The following ATXN1L variants were observed in gnomAD, a reference collection of about 807,000 sequenced individuals.
ATXN1L encodes ataxin 1 like.
ATXN1L carries 8 observed loss-of-function variants against 43.4 expected under a neutral mutation model. The ratio of observed to expected loss-of-function variants is 0.18; its 90% confidence interval spans 0.11 to 0.33. The LOEUF (loss-of-function observed/expected upper bound fraction) is 0.33. ATXN1L is among the 10% of genes least tolerant of loss of function. The pLI, the probability that ATXN1L is intolerant of heterozygous loss-of-function variation, is 1.00. For synonymous variants in ATXN1L, 379 were observed against 360.6 expected (o/e 1.05, Z -0.58); for missense variants, 856 against 885.4 (o/e 0.97, Z 0.42).
At position 71,856,735 on chromosome 16, in the gene ATXN1L, G is replaced by A. The variant is rs867799089; in HGVS notation, c.*4925G>A. On this transcript the variant is annotated 3_prime_UTR_variant, in exon 3 of 3. Transcript: ENST00000427980. ...GTATATGATCCAGCTGCAGAGAGCAGACTGCTCTCAGCTTGCACAGCACCT... is the reference window on the plus strand; with the variant it reads ...GTATATGATCCAGCTGCAGAGAGCAAACTGCTCTCAGCTTGCACAGCACCT... 1.8e-5 allele frequency: 3 copies of A among 167,132 alleles called. No homozygotes were observed. The highest frequency in any genetic ancestry group is 4.4e-5 in the Non-Finnish European group (3 of 68,128). The allele number at this position is 167,132 out of a possible 1,614,324, so 10.4% of individuals were successfully genotyped here.
rs775797893 is a variant in ATXN1L at position 71,850,732 on chromosome 16, C to A, written c.992C>A (p.Pro331Gln). 26 of 1,551,694 alleles carry A rather than the reference C, an allele frequency of 1.7e-5. No homozygotes were observed. Among genetic ancestry groups the A allele is most frequent in the Non-Finnish European group, 2.3e-5 (26 of 1,147,000 alleles). The change falls in exon 3 of 3, where the codon CCG becomes CAG. Residue 331 changes from proline (P) to glutamine (Q), a missense_variant. By Grantham distance (76) the Pro-to-Gln change is moderately conservative (BLOSUM62 -1). Transcript: ENST00000427980. ...EVAAPAHRGT[P>Q]DTDLEVQRVV... ...GCAGCACCAGCACACCGGGGGACCCCGGACACTGACCTTGAGGTCCAGCGG... is the reference window on the plus strand; with the variant it reads ...GCAGCACCAGCACACCGGGGGACCCAGGACACTGACCTTGAGGTCCAGCGG...
rs2033494687 is a variant in ATXN1L, at chr16:71,850,895, G to C, written c.1155G>C (p.Glu385Asp). The C allele has an allele frequency of 1.3e-6, 2 of 1,551,566 alleles. No homozygotes were observed. Among genetic ancestry groups the C allele is most frequent in the African/African-American group, 1.4e-5 (1 of 73,052 alleles). ...GAGGGTCAGCCAGGAACCCTGCAGA[G>C]CTGGCAGAGAAAAGTCAGGCCCGTG... ...EGRGSARNPA[E>D]LAEKSQARGF... Residue 385 changes from glutamate to aspartate, a missense_variant, in exon 3 of 3, where the codon GAG becomes GAC. Around this residue, in one of 7 missense-constraint regions of ATXN1L, gnomAD observed 490 missense variants for 449.4 expected, o/e 1.09. Coordinates refer to ENST00000427980, the MANE Select transcript of ATXN1L (RefSeq NM_001137675.4).
Position 71,856,121 on chromosome 16 carries a change from A to G in ATXN1L, c.*4311A>G. Reference sequence around the variant, plus strand: ...CTCTCCTTAGCTGCAGACCATGCACAGTGCCTGGGGCGGAAGGAGGAGAGG... The same window carrying G: ...CTCTCCTTAGCTGCAGACCATGCACGGTGCCTGGGGCGGAAGGAGGAGAGG... On this transcript the variant is annotated 3_prime_UTR_variant, in exon 3 of 3. Transcript: ENST00000427980. 1 of 167,226 alleles carries G rather than the reference A, an allele frequency of 6.0e-6. No homozygotes were observed. 10.4% of individuals were successfully genotyped at this position (167,226 alleles called of 1,614,324 possible). A position where few individuals can be genotyped will look rare whatever the true frequency, so the allele number is the denominator to read the frequency against.
Position 71,850,018 on chromosome 16 carries a change from C to T in ATXN1L, c.278C>T (p.Ser93Leu), listed in dbSNP as rs1414438566. 6.4e-7 allele frequency: 1 copy of T among 1,551,604 alleles called. No individual in the cohort carries two copies. The highest frequency in any genetic ancestry group is 8.7e-7 in the Non-Finnish European group (1 of 1,147,006). ...GTGGCTGTGCCGCCTGCCACCTTTT[C>T]ACCAACTGGACTCCCATCTGTGGTG... ...YKVAVPPATF[S>L]PTGLPSVVNM... The change falls in exon 3 of 3, where the codon TCA (serine) becomes TTA (leucine). Residue 93 changes from serine to leucine, a missense_variant. Around this residue, in one of 7 missense-constraint regions of ATXN1L, gnomAD observed 93 missense variants for 113.4 expected, o/e 0.82. Coordinates refer to ENST00000427980, the MANE Select transcript of ATXN1L (RefSeq NM_001137675.4).
In ATXN1L at chr16:71,849,619, A is replaced by C; in HGVS notation, c.-117-5A>C. The stretch of plus-strand genomic sequence containing the variant: ...TTTCTTTGCCTCTGATTTGTTCCCT[A>C]ATAGATGTGGGCGCCCCAGCCAGAA... On this transcript the variant is annotated splice_region_variant and splice_polypyrimidine_tract_variant and intron_variant, in intron 2 of 2. Transcript: ENST00000427980. 9.0e-7 allele frequency: 1 copy of C among 1,105,952 alleles called. No individual in the cohort carries two copies. Among genetic ancestry groups the C allele is most frequent in the South Asian group, 2.0e-5 (1 of 50,328 alleles). The allele number at this position is 1,105,952 out of a possible 1,614,324, so 68.5% of individuals were successfully genotyped here. A position where few individuals can be genotyped will look rare whatever the true frequency, so the allele number is the denominator to read the frequency against.
chr16:71,851,385 G>T lies in ATXN1L; in HGVS notation c.1645G>T (p.Gly549Cys). The T allele has an allele frequency of 6.4e-7, 1 of 1,551,602 alleles. No individual in the cohort carries two copies. Among genetic ancestry groups the T allele is most frequent in the Non-Finnish European group, 8.7e-7 (1 of 1,146,970 alleles). ...CCCCGAGCACCCCTTCTTTGTATAT[G>T]GCCAGGGTTGGTCCTCTTGCAGCCC... ...VPPEHPFFVY[G>C]QGWSSCSPGR... Residue 549 changes from glycine to cysteine, a missense_variant, in exon 3 of 3, where the codon GGC becomes TGC. Transcript: ENST00000427980. This position sits in a 1 kb window ranked among gnomAD's most constrained non-coding sequence, Gnocchi z 4.9.
rs1027783238 is a variant in ATXN1L, at chr16:71,855,099, A to G, written c.*3289A>G. 4 of 167,252 alleles carry G rather than the reference A, an allele frequency of 2.4e-5. No individual in the cohort carries two copies. Among genetic ancestry groups the G allele is most frequent in the African/African-American group, 9.7e-5 (4 of 41,430 alleles). 10.4% of individuals were successfully genotyped at this position (167,252 alleles called of 1,614,324 possible). On this transcript the variant is annotated 3_prime_UTR_variant, in exon 3 of 3. Coordinates refer to ENST00000427980, the MANE Select transcript of ATXN1L (RefSeq NM_001137675.4). ...TGCCTGCTGTCCTCTACAGCTCCCT[A>G]TCCTTCCATGTCTTTGGCCATGTAG...
rs1383203001 is a variant in ATXN1L, at chr16:71,850,436, G to C, written c.696G>C (p.Gln232His). The C allele has an allele frequency of 2.6e-6, 4 of 1,551,572 alleles. No homozygotes were observed. Among genetic ancestry groups the C allele is most frequent in the Non-Finnish European group, 8.7e-7 (1 of 1,147,004 alleles). ...CAGGTCGGATGCCCATTTATTATCA[G>C]ATGTCCAGGCTACCTGCTGGGTATA... Reference protein sequence around the residue: ...LAPGRMPIYYQMSRLPAGYTL... With the variant: ...LAPGRMPIYYHMSRLPAGYTL... Residue 232 changes from glutamine to histidine, a missense_variant, in exon 3 of 3, where the codon CAG becomes CAC. Coordinates refer to ENST00000427980, the MANE Select transcript of ATXN1L (RefSeq NM_001137675.4).
At position 71,854,034 on chromosome 16, in the gene ATXN1L, G is replaced by A. The variant is rs1353357569; in HGVS notation, c.*2224G>A. Reference sequence around the variant, plus strand: ...TCAAATGAGAAGGCCTTGGGAGAAGGCCTCATCTCTGGCTGTTTCATGAGC... The same window carrying A: ...TCAAATGAGAAGGCCTTGGGAGAAGACCTCATCTCTGGCTGTTTCATGAGC... On this transcript the variant is annotated 3_prime_UTR_variant, in exon 3 of 3. Transcript: ENST00000427980. 1 of 167,058 alleles carries A rather than the reference G, an allele frequency of 6.0e-6. No homozygotes were observed. The highest frequency in any genetic ancestry group is 2.4e-5 in the African/African-American group (1 of 41,426). The allele number at this position is 167,058 out of a possible 1,614,324, so 10.3% of individuals were successfully genotyped here. A position where few individuals can be genotyped will look rare whatever the true frequency, so the allele number is the denominator to read the frequency against.
In ATXN1L at chr16:71,851,312, G is replaced by A; in HGVS notation, c.1572G>A (p.Leu524=). The part of the protein sequence containing the change: ...QESQWPGFVM[L]HFVVGEQQSK... ...GCCAATGGCCTGGATTTGTCATGCT[G>A]CATTTTGTGGTTGGTGAGCAGCAGA... Residue 524 remains leucine, a synonymous_variant, in exon 3 of 3, where the codon CTG becomes CTA. Transcript: ENST00000427980. The surrounding 1 kb of genome is among the most constrained non-coding windows in gnomAD (Gnocchi z 4.9). 6.4e-7 allele frequency: 1 copy of A among 1,551,674 alleles called. No individual in the cohort carries two copies. Among genetic ancestry groups the A allele is most frequent in the South Asian group, 1.2e-5 (1 of 84,064 alleles).
At position 71,849,731 on chromosome 16, in the gene ATXN1L, A is replaced by G. The variant is rs1375193416; in HGVS notation, c.-10A>G. On this transcript the variant is annotated 5_prime_UTR_variant, in exon 3 of 3. Transcript: ENST00000427980. ...ACTCCTTCCAGGCTCCAGGAACACC[A>G]CAAAGCAATATGAAACCTGTTCATG... 1.3e-6 allele frequency: 2 copies of G among 1,487,774 alleles called. No individual in the cohort carries two copies. The highest frequency in any genetic ancestry group is 1.8e-6 in the Non-Finnish European group (2 of 1,114,200). The allele number at this position is 1,487,774 out of a possible 1,614,324, so 92.2% of individuals were successfully genotyped here.
At position 71,851,257 on chromosome 16, in the gene ATXN1L, A is replaced by G; in HGVS notation, c.1517A>G (p.Asp506Gly). ...GAAGTGAGCGGGGGGCTGAAGATTG[A>G]CTCTAGCACGGTCGTGGACATTCAG... Reference protein sequence around the residue: ...SAEVSGGLKIDSSTVVDIQES... With the variant: ...SAEVSGGLKIGSSTVVDIQES... The change falls in exon 3 of 3, where the codon GAC becomes GGC. Residue 506 changes from aspartate (D) to glycine (G), a missense_variant. By Grantham distance (94) the Asp-to-Gly change is moderately conservative. Transcript: ENST00000427980. The surrounding 1 kb of genome is among the most constrained non-coding windows in gnomAD (Gnocchi z 4.9). The G allele has an allele frequency of 6.4e-7, 1 of 1,551,250 alleles. No homozygotes were observed. Among genetic ancestry groups the G allele is most frequent in the Non-Finnish European group, 8.7e-7 (1 of 1,146,900 alleles).
rs2142324943 is a variant in ATXN1L, at chr16:71,854,588, A to T, written c.*2778A>T. Reference sequence around the variant, plus strand: ...GTCTTTTCCTCCAGGCATGAAAAATATGACTAACCTGTGGTGTGTCCATTC... The same window carrying T: ...GTCTTTTCCTCCAGGCATGAAAAATTTGACTAACCTGTGGTGTGTCCATTC... On this transcript the variant is annotated 3_prime_UTR_variant, in exon 3 of 3. Transcript: ENST00000427980. 6.0e-6 allele frequency: 1 copy of T among 167,178 alleles called. No homozygotes were observed. Among genetic ancestry groups the T allele is most frequent in the East Asian group, 1.9e-4 (1 of 5,188 alleles). 10.4% of individuals were successfully genotyped at this position (167,178 alleles called of 1,614,324 possible).
In ATXN1L at chr16:71,850,091, T is replaced by C. The variant is rs2033481977; in HGVS notation, c.351T>C (p.Ile117=). ...PPTFNVASSL[I]QHPGIHYPPL... ...CGTTTAATGTAGCGTCTTCACTAAT[T>C]CAACATCCAGGCATCCACTATCCTC... The change falls in exon 3 of 3, where the codon ATT becomes ATC. Residue 117 remains isoleucine (I), a synonymous_variant. Transcript: ENST00000427980. 1.9e-6 allele frequency: 3 copies of C among 1,551,538 alleles called. No individual in the cohort carries two copies. The highest frequency in any genetic ancestry group is 2.0e-5 in the Admixed American group (1 of 50,976).
Position 71,857,127 on chromosome 16 carries a change from T to G in ATXN1L, c.*5317T>G, listed in dbSNP as rs2033558391. On this transcript the variant is annotated 3_prime_UTR_variant, in exon 3 of 3. Coordinates refer to ENST00000427980, the MANE Select transcript of ATXN1L (RefSeq NM_001137675.4). Reference sequence around the variant, plus strand: ...TGTAACTGTTTTAAATAAATCAATTTGTACTGTATATTTGTACTTTTGTGA... The same window carrying G: ...TGTAACTGTTTTAAATAAATCAATTGGTACTGTATATTTGTACTTTTGTGA... 1 of 167,068 alleles carries G rather than the reference T, an allele frequency of 6.0e-6. No individual in the cohort carries two copies. Among genetic ancestry groups the G allele is most frequent in the African/African-American group, 2.4e-5 (1 of 41,460 alleles). 10.3% of individuals were successfully genotyped at this position (167,068 alleles called of 1,614,324 possible).
At chr16:71,849,064 G>A (rs1392054936) in intron 2 of ATXN1L, among the ~76,000 whole-genome samples, 1 of 151,682 alleles carries the variant, frequency 6.6e-6, no homozygotes, top group Admixed American at 6.6e-5. Context: ...AAAATACAAA[G>A]TTAGCCAGGC....
In ATXN1L at chr16:71,847,516, A is replaced by AT. The variant is rs1364949782; in HGVS notation, c.-179-493dup. 2.0e-5 allele frequency among the ~76,000 whole-genome samples: 3 copies of AT among 151,958 alleles called. 1 individual carries two copies. Among genetic ancestry groups the AT allele is most frequent in the African/African-American group, 7.2e-5 (3 of 41,388 alleles). On this transcript the variant is annotated intron_variant, in intron 1 of 2. Coordinates refer to ENST00000427980, the MANE Select transcript of ATXN1L (RefSeq NM_001137675.4). ...TGACCTCTTTTTCTGCCCCAGAAACATAAATAATTGTTCTTTTTCATCTAC... is the reference window on the plus strand; with the variant it reads ...TGACCTCTTTTTCTGCCCCAGAAACATTAAATAATTGTTCTTTTTCATCTAC...
At chr16:71,849,312 G>T (rs2033474718) in intron 2 of ATXN1L, among the ~76,000 whole-genome samples, 1 of 151,392 alleles carries the variant, frequency 6.6e-6, no homozygotes, top group South Asian at 2.1e-4. Context: ...AAGAGACAAG[G>T]TGCTTATGAG....
rs887678777 is a variant in ATXN1L, at chr16:71,856,321, A to T, written c.*4511A>T. On this transcript the variant is annotated 3_prime_UTR_variant, in exon 3 of 3. Coordinates refer to ENST00000427980, the MANE Select transcript of ATXN1L (RefSeq NM_001137675.4). Reference sequence around the variant, plus strand: ...CCACTGCAAATGCCCAGCAGTGAAGATGGCCTCAAATTGGGTTCTTGCCTG... The same window carrying T: ...CCACTGCAAATGCCCAGCAGTGAAGTTGGCCTCAAATTGGGTTCTTGCCTG... 12 of 167,154 alleles carry T rather than the reference A, an allele frequency of 7.2e-5. No homozygotes were observed. Among genetic ancestry groups the T allele is most frequent in the Non-Finnish European group, 4.4e-5 (3 of 68,134 alleles). The allele number at this position is 167,154 out of a possible 1,614,324, so 10.4% of individuals were successfully genotyped here.
Sources: gnomAD v4.1 joint callset for allele counts (sites outside exome capture counted in the v4.1 genomes callset) on GRCh38, gnomAD v4.1.1 for gene constraint, gnomAD v4.1.1 regional missense constraint, Gnocchi (gnomAD v3.1) non-coding constraint, MANE v1.5 for transcripts, NCBI Gene and HGNC (gene_info 2026-07-23, HGNC 2026-07-21) for gene names.